The following NAA15 variants were observed in gnomAD, a reference collection of about 807,000 sequenced individuals.
NAA15 encodes the protein N-alpha-acetyltransferase 15, NatA auxiliary subunit.
Under a neutral mutation model 114.0 loss-of-function variants are expected in NAA15, and 34 were observed. That is an observed-to-expected ratio of 0.30 (90% CI 0.23 to 0.40). The LOEUF (loss-of-function observed/expected upper bound fraction) is 0.40. Ranked by LOEUF, NAA15 falls within the 10% of genes least tolerant of loss-of-function variation. The probability of loss-of-function intolerance (pLI) is 1.00; values close to 1 mark genes in which losing one functional copy is unlikely to be tolerated. For synonymous variants in NAA15, 340 were observed against 338.0 expected (o/e 1.01, Z -0.06); for missense variants, 658 against 1,004.5 (o/e 0.66, Z 4.66).
At chr4:139,354,267 G>T (rs1288982181) in intron 10 of NAA15, among the ~76,000 whole-genome samples, 169 bp downstream of exon 10, 1 of 152,104 alleles carries the variant, frequency 6.6e-6, no homozygotes, top group Non-Finnish European at 1.5e-5. Context: ...ATGATATTTG[G>T]TTAGAAGAGA....
chr4:139,341,998 C>T (rs892535589), intron 4 of NAA15, among the ~76,000 whole-genome samples: 5 of 152,128 alleles, frequency 3.3e-5, no homozygotes, highest in South Asian at 2.1e-4. Flanking sequence ...GCTAGGATTA[C>T]GGGCATGAGC....
At position 139,354,091 on chromosome 4, in the gene NAA15, C is replaced by T; in HGVS notation, c.1080C>T (p.Asn360=). 6.2e-7 allele frequency: 1 copy of T among 1,612,398 alleles called. No individual in the cohort carries two copies. The highest frequency in any genetic ancestry group is 8.5e-7 in the Non-Finnish European group (1 of 1,178,770). ...CTCTAAAAAGCTGCCGGTTATTTAA[C>T]CCCAATGGTAAGTCCTCAAGTTTTA... is the stretch of plus-strand genomic sequence containing the variant. The part of the protein sequence containing the change: ...ETSLKSCRLF[N]PNDDGKEEPP... Residue 360 remains asparagine, a synonymous_variant, in exon 10 of 20, where the codon AAC becomes AAT. Coordinates refer to ENST00000296543, the MANE Select transcript of NAA15 (RefSeq NM_057175.5).
At chr4:139,308,230 G>A (rs1746092487) in intron 1 of NAA15, among the ~76,000 whole-genome samples, 1 of 152,074 alleles carries the variant, frequency 6.6e-6, no homozygotes, top group Non-Finnish European at 1.5e-5. Context: ...CTAAGTGCTA[G>A]GATTACAGGC....
rs200461497 is a variant in NAA15 at position 139,360,471 on chromosome 4, G to T, written c.1411-29G>T. On this transcript the variant is annotated intron_variant, in intron 12 of 19. Coordinates refer to ENST00000296543, the MANE Select transcript of NAA15 (RefSeq NM_057175.5). ...TAGAATGATGTCTATGATAAAAAGT[G>T]ATCTTGAAAATATTTGATTTCTGTA... 6.2e-5 allele frequency: 93 copies of T among 1,493,098 alleles called. 1 individual carries two copies. The African/African-American group carries it at 1.2e-3, about 19-fold the overall frequency. The allele number at this position is 1,493,098 out of a possible 1,614,324, so 92.5% of individuals were successfully genotyped here.
chr4:139,347,206 T>C (rs1287300482), intron 6 of NAA15, among the ~76,000 whole-genome samples: 1 of 151,516 alleles, frequency 6.6e-6, no homozygotes, highest in Non-Finnish European at 1.5e-5. Flanking sequence ...TTGTAGGATG[T>C]TTAGTAGCGC....
At chr4:139,306,320 A>G (rs529195442) in intron 1 of NAA15, among the ~76,000 whole-genome samples, 1 of 151,882 alleles carries the variant, frequency 6.6e-6, no homozygotes, top group Non-Finnish European at 1.5e-5. Flanking sequence ...GCTCACTGCA[A>G]CCTCCACCTC....
chr4:139,306,198 G>C (rs1206583238), intron 1 of NAA15, among the ~76,000 whole-genome samples: 1 of 152,086 alleles, frequency 6.6e-6, no homozygotes, highest in Non-Finnish European at 1.5e-5. Context: ...CTAGAAAAAG[G>C]ATGGGATGAA....
chr4:139,357,005 C>G (rs1201115413), intron 10 of NAA15, among the ~76,000 whole-genome samples: 1 of 150,472 alleles, frequency 6.6e-6, no homozygotes, highest in Non-Finnish European at 1.5e-5. Flanking sequence ...TTTTTAACCT[C>G]ACATGAATAG....
intron 17 of NAA15, among the ~76,000 whole-genome samples, chr4:139,382,310 G>T (rs1301875167): frequency 6.6e-6 from 1 of 151,964 alleles, no homozygotes; most frequent in Non-Finnish European, 1.5e-5. Context: ...AAATTAGTAG[G>T]CCTCAAACTT....
intron 1 of NAA15, among the ~76,000 whole-genome samples, chr4:139,307,703 A>G (rs1055845810): frequency 2.0e-5 from 3 of 152,224 alleles, no homozygotes; most frequent in African/African-American, 7.2e-5. Flanking sequence ...TGCTTTATTT[A>G]GAGTCCTTTC....
chr4:139,359,904 A>G lies in NAA15; in HGVS notation c.1410+9A>G, dbSNP rs764778439. On this transcript the variant is annotated intron_variant, in intron 12 of 19. Transcript: ENST00000296543. Reference sequence around the variant, plus strand: ...GCTCAAAGTTTACAAGGGTTTGTACAGCTAGTGTTCTTAATTATGAATAAA... The same window carrying G: ...GCTCAAAGTTTACAAGGGTTTGTACGGCTAGTGTTCTTAATTATGAATAAA... 2.9e-5 allele frequency: 45 copies of G among 1,567,328 alleles called. 1 individual carries two copies. In the Middle Eastern group the frequency reaches 2.7e-3, roughly 94 times the overall value.
intron 1 of NAA15, among the ~76,000 whole-genome samples, chr4:139,318,847 CAA>C (rs112126190): frequency 3.0e-5 from 4 of 133,616 alleles, no homozygotes; most frequent in Non-Finnish European, 1.6e-5. Context: ...GACCCCATCT[CAA>C]AAAAAAAAAA....
chr4:139,378,167 A>C (rs192999183), intron 16 of NAA15, among the ~76,000 whole-genome samples: 215 of 152,344 alleles, frequency 1.4e-3, no homozygotes, highest in African/African-American at 4.9e-3. Flanking sequence ...TAAAACTTGG[A>C]AGTGGACTGA....
At chr4:139,386,283 C>A in intron 19 of NAA15, 53 bp downstream of exon 19, 1 of 1,010,988 alleles carries the variant, frequency 9.9e-7, no homozygotes, top group Non-Finnish European at 1.5e-6. Flanking sequence ...CTTTTTTCAC[C>A]AAGAGAAATA....
chr4:139,301,968 C>G, intron 1 of NAA15, 137 bp downstream of exon 1: 1 of 905,492 alleles, frequency 1.1e-6, no homozygotes, highest in Non-Finnish European at 1.7e-6. Context: ...AGGCCGAATG[C>G]ATTGCTTTGC....
chr4:139,328,238 G>A (rs991917967), intron 1 of NAA15, among the ~76,000 whole-genome samples: 2 of 151,246 alleles, frequency 1.3e-5, no homozygotes, highest in Non-Finnish European at 3.0e-5. Flanking sequence ...ATGGAGTCTC[G>A]CTCTGTTGCC....
intron 3 of NAA15, among the ~76,000 whole-genome samples, chr4:139,339,081 G>T (rs183612848): frequency 1.3e-5 from 2 of 152,258 alleles, no homozygotes; most frequent in East Asian, 3.9e-4. Context: ...AAAGTGCTGG[G>T]ATTACAGGTG....
intron 10 of NAA15, among the ~76,000 whole-genome samples, chr4:139,356,321 A>T (rs975210119): frequency 2.0e-5 from 3 of 152,150 alleles, no homozygotes; most frequent in Admixed American, 2.0e-4. Context: ...TCTGGAATCA[A>T]TTGTTTTTCC....
At chr4:139,327,333 T>C (rs968121897) in intron 1 of NAA15, among the ~76,000 whole-genome samples, 2 of 152,174 alleles carry the variant, frequency 1.3e-5, no homozygotes, top group Non-Finnish European at 2.9e-5. Flanking sequence ...CACCACAACC[T>C]CCGTTTCCCG....
Sources: allele counts gnomAD v4.1 joint callset (sites outside exome capture counted in the v4.1 genomes callset), GRCh38; gene constraint gnomAD v4.1.1; transcripts MANE v1.5; gene names NCBI Gene and HGNC (gene_info 2026-07-23, HGNC 2026-07-21).